WDR17: variants seen among roughly 807,000 people sequenced by gnomAD.
WDR17 encodes the protein WD repeat-containing protein 17.
A neutral mutation model predicts 161.7 loss-of-function variants in WDR17; 143 were observed. The observed-to-expected ratio is 0.88, with a 90% CI of 0.77 to 1.02. WDR17 has a LOEUF of 1.02. WDR17 is among the 50% of genes least tolerant of loss of function. WDR17 has a pLI of 0.00. For missense variants in WDR17, 1,469 were observed against 1,520.9 expected (o/e 0.97, Z 0.57); for synonymous variants, 517 against 515.6 (o/e 1.00, Z -0.04).
In WDR17 at chr4:176,145,980, T is replaced by G. The variant is rs765524993; in HGVS notation, c.1530-15T>G. Reference sequence around the variant, plus strand: ...ATATTTATCCTATGTCAATATTCCATTGATGATATTTCAGAGACATGATAG... The same window carrying G: ...ATATTTATCCTATGTCAATATTCCAGTGATGATATTTCAGAGACATGATAG... On this transcript the variant is annotated splice_polypyrimidine_tract_variant and intron_variant, in intron 11 of 28. Transcript: ENST00000508596. The G allele has an allele frequency of 2.5e-6, 4 of 1,607,418 alleles. No individual in the cohort carries two copies. Among genetic ancestry groups the G allele is most frequent in the Non-Finnish European group, 3.4e-6 (4 of 1,174,668 alleles).
At chr4:176,066,498 G>C (rs554812795) in intron 1 of WDR17, among the ~76,000 whole-genome samples, 1 of 152,230 alleles carries the variant, frequency 6.6e-6, no homozygotes, top group African/African-American at 2.4e-5. Context: ...ACTAAGAAAG[G>C]TTTGAGTAAA....
At chr4:176,082,760 T>C (rs1205794521) in intron 1 of WDR17, among the ~76,000 whole-genome samples, 1 of 152,188 alleles carries the variant, frequency 6.6e-6, no homozygotes, top group East Asian at 1.9e-4. Context: ...AATTATTTTC[T>C]CCAATGTTAG....
At chr4:176,067,514 G>T (rs1481999198) in intron 1 of WDR17, among the ~76,000 whole-genome samples, 1 of 152,162 alleles carries the variant, frequency 6.6e-6, no homozygotes, top group Non-Finnish European at 1.5e-5. Context: ...TAATAGAACT[G>T]CTTAAAAAAC....
At chr4:176,172,074 G>C (rs1750814751) in intron 23 of WDR17, among the ~76,000 whole-genome samples, 1 of 151,948 alleles carries the variant, frequency 6.6e-6, no homozygotes, top group Non-Finnish European at 1.5e-5. Context: ...GTGCTAAATG[G>C]CATTTTTGGG....
At chr4:176,159,590 T>C (rs1748720855) in intron 18 of WDR17, among the ~76,000 whole-genome samples, 1 of 152,234 alleles carries the variant, frequency 6.6e-6, no homozygotes, top group African/African-American at 2.4e-5. Context: ...TTCATTGTTA[T>C]GCTTCCTAAA....
intron 26 of WDR17, among the ~76,000 whole-genome samples, chr4:176,175,538 A>G (rs113479190): frequency 7.8e-4 from 117 of 150,158 alleles, no homozygotes; most frequent in African/African-American, 2.6e-3. Context: ...GCAGTCTTTT[A>G]TTTGTTTGTT....
chr4:176,159,350 GAA>G (rs1250880885), intron 18 of WDR17, among the ~76,000 whole-genome samples: 1 of 150,902 alleles, frequency 6.6e-6, no homozygotes, highest in African/African-American at 2.4e-5. Context: ...GAGAGAGAGA[GAA>G]ATGGGTGCAG....
rs1163130422 is a variant in WDR17, at chr4:176,182,162, A to G, written c.*2583A>G. The G allele has an allele frequency of 6.6e-6, 1 of 152,108 alleles. No homozygotes were observed. The highest frequency in any genetic ancestry group is 1.5e-5 in the Non-Finnish European group (1 of 67,962). 9.4% of individuals were successfully genotyped at this position (152,108 alleles called of 1,614,324 possible). A position where few individuals can be genotyped will look rare whatever the true frequency, so the allele number is the denominator to read the frequency against. ...ATATTACCAATAATGTGGACAAATT[A>G]CTTTGCAGGTTTAAATATGCCTCTG... On this transcript the variant is annotated 3_prime_UTR_variant, in exon 29 of 29. Coordinates refer to ENST00000508596, the MANE Select transcript of WDR17 (RefSeq NM_181265.4). The surrounding 1 kb of genome is among the most constrained non-coding windows in gnomAD (Gnocchi z 4.2).
chr4:176,173,869 A>T (rs1424340654), intron 25 of WDR17, among the ~76,000 whole-genome samples: 1 of 151,294 alleles, frequency 6.6e-6, no homozygotes, highest in East Asian at 1.9e-4. Context: ...ACAGAGTATT[A>T]AATATTAGTG....
intron 5 of WDR17, among the ~76,000 whole-genome samples, 159 bp from the exon 6 acceptor site, chr4:176,128,579 C>T (rs536638458): frequency 8.7e-4 from 132 of 152,108 alleles, no homozygotes; most frequent in African/African-American, 2.9e-3. Flanking sequence ...AATAGTATTT[C>T]GGTTGTTAGG....
chr4:176,120,093 T>G lies in WDR17; in HGVS notation c.534T>G (p.His178Gln), dbSNP rs373264728. ...TTGATGGAAGTCTATCAATTTTTCA[T>G]CCAGGTAAGAATTTAATTAGCAAGG... is the stretch of plus-strand genomic sequence containing the variant. ...GHIDGSLSIF[H>Q]PGNKNQKHVL... Residue 178 changes from histidine to glutamine, a missense_variant, in exon 4 of 29, where the codon CAT (histidine) becomes CAG (glutamine). Transcript: ENST00000508596. The G allele has an allele frequency of 1.2e-6, 2 of 1,611,822 alleles. No individual in the cohort carries two copies. Among genetic ancestry groups the G allele is most frequent in the Non-Finnish European group, 1.7e-6 (2 of 1,178,308 alleles).
At chr4:176,114,816 G>A (rs1470764764) in intron 2 of WDR17, among the ~76,000 whole-genome samples, 1 of 151,634 alleles carries the variant, frequency 6.6e-6, no homozygotes, top group Non-Finnish European at 1.5e-5. Flanking sequence ...TTTAAACTCA[G>A]ACCTCAGTAG....
intron 1 of WDR17, among the ~76,000 whole-genome samples, chr4:176,069,888 A>G (rs1733002005): frequency 2.0e-5 from 3 of 152,326 alleles, no homozygotes; most frequent in Non-Finnish European, 4.4e-5. Flanking sequence ...AATAAGAAAT[A>G]GCTAACATTT....
At chr4:176,159,629 G>A (rs1021173837) in intron 18 of WDR17, among the ~76,000 whole-genome samples, 8 of 152,064 alleles carry the variant, frequency 5.3e-5, no homozygotes, top group African/African-American at 1.9e-4. Flanking sequence ...CTTTAACAAT[G>A]TAGATACCCA....
Position 176,154,295 on chromosome 4 carries a change from A to G in WDR17, c.2461-1784A>G, listed in dbSNP as rs377712034. On this transcript the variant is annotated intron_variant, in intron 17 of 28. Transcript: ENST00000508596. ...CGAGAGTTTGAGAACAGCCCTGCCAACATGGTGAAACCCTGTCTCTACCAA... is the reference window on the plus strand; with the variant it reads ...CGAGAGTTTGAGAACAGCCCTGCCAGCATGGTGAAACCCTGTCTCTACCAA... Among the ~76,000 whole-genome samples, 12 of 152,244 alleles carry G rather than the reference A, an allele frequency of 7.9e-5. No homozygotes were observed. In the East Asian group the frequency reaches 1.6e-3, roughly 20 times the overall value.
At chr4:176,176,964 A>C in intron 26 of WDR17, 94 bp from the exon 27 acceptor site, 1 of 836,324 alleles carries the variant, frequency 1.2e-6, no homozygotes, top group South Asian at 1.5e-5. Context: ...GTATACAGAA[A>C]TATATAAATC....
At chr4:176,134,037 A>G (rs1207327016) in intron 7 of WDR17, among the ~76,000 whole-genome samples, 1 of 151,784 alleles carries the variant, frequency 6.6e-6, no homozygotes, top group Non-Finnish European at 1.5e-5. Context: ...TTATGTTCCT[A>G]ACATTGGAAA....
At position 176,159,992 on chromosome 4, in the gene WDR17, A is replaced by G; in HGVS notation, c.2526-2A>G. On this transcript the variant is annotated splice_acceptor_variant, in intron 18 of 28. Transcript: ENST00000508596. LOFTEE classifies it high-confidence loss of function. ...TTTAAAAAACTGTCCTTATTTTATT[A>G]GGAGAGCTGACCAATTAATCCAGGA... 6.3e-7 allele frequency: 1 copy of G among 1,592,386 alleles called. No individual in the cohort carries two copies. The highest frequency in any genetic ancestry group is 8.6e-7 in the Non-Finnish European group (1 of 1,165,980).
chr4:176,105,601 A>T (rs1343992641), intron 1 of WDR17, among the ~76,000 whole-genome samples: 1 of 152,114 alleles, frequency 6.6e-6, no homozygotes, highest in African/African-American at 2.4e-5. Flanking sequence ...AACTTAACAC[A>T]CTCTCCAACA....
Sources: gnomAD v4.1 joint callset for allele counts (sites outside exome capture counted in the v4.1 genomes callset) on GRCh38, gnomAD v4.1.1 for gene constraint, Gnocchi (gnomAD v3.1) non-coding constraint, MANE v1.5 for transcripts, NCBI Gene and HGNC (gene_info 2026-07-23, HGNC 2026-07-21) for gene names.